CLINT1: variants seen among roughly 807,000 people sequenced by gnomAD.
CLINT1 encodes clathrin interacting protein localized in the trans-Golgi region.
A neutral mutation model predicts 70.4 loss-of-function variants in CLINT1; 15 were observed. That is an observed-to-expected ratio of 0.21 (90% CI 0.14 to 0.33). CLINT1 has a LOEUF of 0.33. Ranked by LOEUF, CLINT1 falls within the 10% of genes least tolerant of loss-of-function variation. The pLI is 1.00. For missense variants in CLINT1, 615 were observed against 778.1 expected, an observed-to-expected ratio of 0.79 and a Z score of 2.49; for synonymous variants, 227 against 254.7, an observed-to-expected ratio of 0.89 and a Z score of 1.04.
At chr5:157,820,825 A>G (rs1762860171) in intron 1 of CLINT1, among the ~76,000 whole-genome samples, 1 of 152,226 alleles carries the variant, frequency 6.6e-6, no homozygotes, top group Non-Finnish European at 1.5e-5. Context: ...TTTTAAGAAT[A>G]TATCACAGAC....
At chr5:157,823,165 C>T (rs1762928901) in intron 1 of CLINT1, among the ~76,000 whole-genome samples, 1 of 152,154 alleles carries the variant, frequency 6.6e-6, no homozygotes, top group African/African-American at 2.4e-5. Flanking sequence ...CGCATGCATA[C>T]ACACACCCAT....
At chr5:157,839,724 TATCTATCTATCTATC>T in intron 1 of CLINT1, among the ~76,000 whole-genome samples, 1 of 63,362 alleles carries the variant, frequency 1.6e-5, no homozygotes, top group Admixed American at 2.0e-4. Flanking sequence ...AACAAAAATC[TATCTATCTATCTATC>T]TATCTATCTA....
intron 7 of CLINT1, 102 bp downstream of exon 7, chr5:157,805,764 A>G (rs1762366569): frequency 7.2e-7 from 1 of 1,388,648 alleles, no homozygotes; most frequent in South Asian, 1.3e-5. Context: ...TCCATAATTA[A>G]TATGATTGCC....
chr5:157,824,919 A>C (rs1018615374), intron 1 of CLINT1, among the ~76,000 whole-genome samples: 1 of 152,222 alleles, frequency 6.6e-6, no homozygotes, highest in Non-Finnish European at 1.5e-5. Flanking sequence ...GCTATATGCC[A>C]AATAAATATT....
chr5:157,814,550 G>A (rs115962822), intron 3 of CLINT1, among the ~76,000 whole-genome samples: 2 of 152,136 alleles, frequency 1.3e-5, no homozygotes, highest in African/African-American at 4.8e-5. Flanking sequence ...GAATAACACT[G>A]ATGTTCAAAA....
At chr5:157,858,080 G>A (rs1346489537) in intron 1 of CLINT1, among the ~76,000 whole-genome samples, 4 of 152,182 alleles carry the variant, frequency 2.6e-5, no homozygotes, top group Non-Finnish European at 5.9e-5. Flanking sequence ...GGTTTTCCTT[G>A]TGCAAGTAAG....
chr5:157,816,318 A>G (rs749063441), intron 3 of CLINT1, among the ~76,000 whole-genome samples: 1 of 152,218 alleles, frequency 6.6e-6, no homozygotes, highest in Non-Finnish European at 1.5e-5. Flanking sequence ...AATTAGAATT[A>G]TATTTTGAAC....
chr5:157,814,995 T>C (rs1345344862), intron 3 of CLINT1, among the ~76,000 whole-genome samples: 1 of 146,544 alleles, frequency 6.8e-6, no homozygotes, highest in African/African-American at 2.5e-5. Context: ...CCCGCACCAC[T>C]GCACTCCAGC....
intron 1 of CLINT1, among the ~76,000 whole-genome samples, chr5:157,836,456 C>T (rs1763426763): frequency 6.6e-6 from 1 of 152,226 alleles, no homozygotes; most frequent in South Asian, 2.1e-4. Context: ...TCACCTTCTA[C>T]TCTTGTTCTC....
At chr5:157,836,156 A>C (rs970161520) in intron 1 of CLINT1, among the ~76,000 whole-genome samples, 2 of 152,188 alleles carry the variant, frequency 1.3e-5, no homozygotes, top group Non-Finnish European at 2.9e-5. Flanking sequence ...TCCACAATAC[A>C]GCCATATTTG....
chr5:157,789,719 A>T (rs940857707), intron 10 of CLINT1: 3 of 657,262 alleles, frequency 4.6e-6, no homozygotes, highest in Admixed American at 5.8e-5. Flanking sequence ...TAGCTTCCCA[A>T]AGAGGTTCCT....
chr5:157,798,601 C>T (rs1254339590), intron 8 of CLINT1, among the ~76,000 whole-genome samples: 1 of 151,802 alleles, frequency 6.6e-6, no homozygotes, highest in African/African-American at 2.4e-5. Flanking sequence ...AAATACATGA[C>T]AAAGAATTAT....
intron 3 of CLINT1, 73 bp downstream of exon 3, chr5:157,816,661 A>T: frequency 1.1e-6 from 1 of 942,510 alleles, no homozygotes; most frequent in Non-Finnish European, 1.7e-6. Flanking sequence ...AAAATCACCT[A>T]TGTATATACA....
chr5:157,834,652 T>C (rs558640342), intron 1 of CLINT1, among the ~76,000 whole-genome samples: 2 of 152,288 alleles, frequency 1.3e-5, no homozygotes, highest in East Asian at 3.9e-4. Context: ...TACTTTCTTA[T>C]CTCAGTGACT....
intron 1 of CLINT1, among the ~76,000 whole-genome samples, chr5:157,853,141 A>C (rs1312476410): frequency 1.3e-5 from 2 of 152,178 alleles, no homozygotes; most frequent in African/African-American, 2.4e-5. Context: ...TGAAGTCAGG[A>C]GTTCGAGACC....
chr5:157,817,392 G>A, intron 2 of CLINT1, 51 bp downstream of exon 2: 14 of 1,150,574 alleles, frequency 1.2e-5, no homozygotes, highest in Non-Finnish European at 1.7e-5. Flanking sequence ...ATATTTCTGT[G>A]TTAAGATGCT....
chr5:157,789,075 T>C (rs1761821308), intron 11 of CLINT1, among the ~76,000 whole-genome samples: 1 of 151,968 alleles, frequency 6.6e-6, no homozygotes, highest in Admixed American at 6.6e-5. Context: ...CGTATTTGCC[T>C]ATATTTAAAA....
chr5:157,842,886 C>T (rs1753238681), intron 1 of CLINT1, among the ~76,000 whole-genome samples: 1 of 152,168 alleles, frequency 6.6e-6, no homozygotes, highest in Non-Finnish European at 1.5e-5. Flanking sequence ...TTTCCTATTG[C>T]TGGCAGTTGC....
rs187255968 is a variant in CLINT1 at position 157,789,073 on chromosome 5, C to T, written c.1531+290G>A. ...GATTTTTGTTTGTCCATCGTATTTG[C>T]CTATATTTAAAAAAAAATCTGTATA... On this transcript the variant is annotated intron_variant, in intron 11 of 11. Coordinates refer to ENST00000411809, the MANE Select transcript of CLINT1 (RefSeq NM_014666.4). 5.5e-4 allele frequency among the ~76,000 whole-genome samples: 84 copies of T among 151,426 alleles called. No individual in the cohort carries two copies. The South Asian group carries it at 0.015, about 27-fold the overall frequency.
Sources: allele counts gnomAD v4.1 joint callset (sites outside exome capture counted in the v4.1 genomes callset), GRCh38; gene constraint gnomAD v4.1.1; transcripts MANE v1.5; gene names NCBI Gene and HGNC (gene_info 2026-07-23, HGNC 2026-07-21).